Variants in ARID2 observed in about 807,000 individuals in gnomAD.
ARID2 encodes AT-rich interaction domain 2.
Under a neutral mutation model 184.6 loss-of-function variants are expected in ARID2, and 32 were observed. That is an observed-to-expected ratio of 0.17 (90% CI 0.13 to 0.23). The LOEUF (loss-of-function observed/expected upper bound fraction) is 0.23. Ranked by LOEUF, ARID2 falls within the 10% of genes least tolerant of loss-of-function variation. The pLI is 1.00. For missense variants in ARID2, 1,696 were observed against 2,197.6 expected (o/e 0.77, Z 4.56); for synonymous variants, 836 against 772.6 (o/e 1.08, Z -1.36).
chr12:45,780,901 T>A (rs1009068498), intron 3 of ARID2, among the ~76,000 whole-genome samples: 14 of 152,180 alleles, frequency 9.2e-5, no homozygotes, highest in Non-Finnish European at 2.9e-5. Context: ...ATTACAGGCG[T>A]GAGCCACTGC....
chr12:45,863,478 C>T (rs1295250264), intron 16 of ARID2, among the ~76,000 whole-genome samples: 5 of 152,162 alleles, frequency 3.3e-5, no homozygotes, highest in Admixed American at 6.5e-5. Flanking sequence ...GCCAGCTACT[C>T]GGGATGCTGA....
chr12:45,772,111 T>C (rs539692463), intron 3 of ARID2, among the ~76,000 whole-genome samples: 12 of 151,698 alleles, frequency 7.9e-5, no homozygotes, highest in Admixed American at 3.3e-4. Context: ...AGAGCAAACA[T>C]GAAGGAAAAT....
chr12:45,852,704 C>A lies in ARID2; in HGVS notation c.4581C>A (p.Val1527=), dbSNP rs373420723. The A allele has an allele frequency of 6.2e-7, 1 of 1,614,086 alleles. No homozygotes were observed. The highest frequency in any genetic ancestry group is 8.5e-7 in the Non-Finnish European group (1 of 1,179,996). Reference sequence around the variant, plus strand: ...CAGAGGATACTGATAGGGAAACAGTCGCAGGAATTCCAAATAAAGTAGGAG... The same window carrying A: ...CAGAGGATACTGATAGGGAAACAGTAGCAGGAATTCCAAATAAAGTAGGAG... ...RPAEDTDRET[V]AGIPNKVGVR... is the part of the protein sequence containing the mutation. Residue 1527 remains valine, a synonymous_variant, in exon 15 of 21, where the codon GTC becomes GTA. Transcript: ENST00000334344.
intron 3 of ARID2, among the ~76,000 whole-genome samples, chr12:45,772,289 A>G (rs985814919): frequency 2.6e-5 from 4 of 152,234 alleles, no homozygotes; most frequent in Non-Finnish European, 4.4e-5. Flanking sequence ...TGGATCAAAC[A>G]GTCAATTCAG....
At chr12:45,777,262 G>C (rs1391920292) in intron 3 of ARID2, among the ~76,000 whole-genome samples, 1 of 152,060 alleles carries the variant, frequency 6.6e-6, no homozygotes, top group Non-Finnish European at 1.5e-5. Flanking sequence ...ATATTGTATA[G>C]AGATGTTCTT....
intron 6 of ARID2, among the ~76,000 whole-genome samples, chr12:45,828,714 A>T (rs1943051167): frequency 1.3e-5 from 2 of 152,022 alleles, no homozygotes; most frequent in South Asian, 4.1e-4. Context: ...TTCTTGTTTG[A>T]TGAGAACTAG....
chr12:45,827,049 CTTA>C (rs1943015311), intron 6 of ARID2, among the ~76,000 whole-genome samples: 1 of 151,664 alleles, frequency 6.6e-6, no homozygotes, highest in African/African-American at 2.4e-5. Context: ...TCCATTTCTT[CTTA>C]TTATCAACCT....
intron 6 of ARID2, among the ~76,000 whole-genome samples, chr12:45,831,976 A>G (rs967303409): frequency 1.3e-5 from 2 of 152,122 alleles, no homozygotes; most frequent in Non-Finnish European, 2.9e-5. Flanking sequence ...GTTTTTATAC[A>G]TAGCGTTTCT....
rs924865491 is a variant in ARID2, at chr12:45,906,808, A to G, written c.*1730A>G. ...AAATGATTGATGCAGTTAAAGCTCA[A>G]TATGCCTTTTTTTACTGGATACTGT... On this transcript the variant is annotated 3_prime_UTR_variant, in exon 21 of 21. Coordinates refer to ENST00000334344, the MANE Select transcript of ARID2 (RefSeq NM_152641.4). 3 of 232,010 alleles carry G rather than the reference A, an allele frequency of 1.3e-5. No homozygotes were observed. Among genetic ancestry groups the G allele is most frequent in the Middle Eastern group, 1.3e-3 (1 of 800 alleles). 14.4% of individuals were successfully genotyped at this position (232,010 alleles called of 1,614,324 possible). A position where few individuals can be genotyped will look rare whatever the true frequency, so the allele number is the denominator to read the frequency against.
intron 3 of ARID2, among the ~76,000 whole-genome samples, chr12:45,793,758 T>C (rs1485726553): frequency 6.6e-6 from 1 of 151,916 alleles, no homozygotes; most frequent in East Asian, 1.9e-4. Context: ...TTTTTTTTCT[T>C]GGCTTTTTAT....
rs553473757 is a variant in ARID2, at chr12:45,777,165, A to G, written c.285-34253A>G. ...TAAAAATGGAAATTAGGATGATAAT[A>G]TATAAGAAGAGGTAGTATGCTGAAA... On this transcript the variant is annotated intron_variant, in intron 3 of 20. Coordinates refer to ENST00000334344, the MANE Select transcript of ARID2 (RefSeq NM_152641.4). Among the ~76,000 whole-genome samples, 22 of 152,152 alleles carry G rather than the reference A, an allele frequency of 1.4e-4. No individual in the cohort carries two copies. The South Asian group carries it at 4.4e-3, about 30-fold the overall frequency.
chr12:45,745,411 A>G (rs1288124728), intron 3 of ARID2, among the ~76,000 whole-genome samples: 1 of 152,220 alleles, frequency 6.6e-6, no homozygotes, highest in Non-Finnish European at 1.5e-5. Flanking sequence ...TAAGATTATT[A>G]CTACTGAATG....
chr12:45,837,035 A>G (rs748995076), intron 8 of ARID2, 44 bp downstream of exon 8: 1 of 1,576,798 alleles, frequency 6.3e-7, no homozygotes, highest in East Asian at 2.2e-5. Flanking sequence ...ATAGTTAGCA[A>G]CATTTATGTT....
chr12:45,732,952 C>A (rs1018745700), intron 3 of ARID2, among the ~76,000 whole-genome samples: 1 of 151,890 alleles, frequency 6.6e-6, no homozygotes, highest in Non-Finnish European at 1.5e-5. Flanking sequence ...TCATTTTTAT[C>A]TTGGGAGGAT....
At chr12:45,812,266 C>G (rs1171636675) in intron 4 of ARID2, among the ~76,000 whole-genome samples, 1 of 150,506 alleles carries the variant, frequency 6.6e-6, no homozygotes, top group Non-Finnish European at 1.5e-5. Context: ...TATAATTATT[C>G]TAAATATTTA....
intron 20 of ARID2, among the ~76,000 whole-genome samples, chr12:45,903,347 G>A (rs1944482421): frequency 6.6e-6 from 1 of 152,136 alleles, no homozygotes; most frequent in South Asian, 2.1e-4. Flanking sequence ...TATTTCTGTT[G>A]AGTGTTTTCA....
intron 3 of ARID2, among the ~76,000 whole-genome samples, chr12:45,735,160 A>G (rs1941083904): frequency 1.3e-5 from 2 of 151,186 alleles, no homozygotes; most frequent in African/African-American, 4.9e-5. Flanking sequence ...ACACCATTTG[A>G]GGGAGTTTAC....
chr12:45,735,360 CAA>C (rs1440748000), intron 3 of ARID2, among the ~76,000 whole-genome samples: 1 of 151,138 alleles, frequency 6.6e-6, no homozygotes, highest in African/African-American at 2.4e-5. Context: ...GATTGGAAGA[CAA>C]ATATATCAAT....
chr12:45,874,339 A>AT (rs1432056448), intron 16 of ARID2: 1 of 170,122 alleles, frequency 5.9e-6, no homozygotes, highest in Non-Finnish European at 1.3e-5. Flanking sequence ...CTTAAAAAAA[A>AT]AAAAAAGATT....
Sources: allele counts gnomAD v4.1 joint callset (sites outside exome capture counted in the v4.1 genomes callset), GRCh38; gene constraint gnomAD v4.1.1; transcripts MANE v1.5; gene names NCBI Gene and HGNC (gene_info 2026-07-23, HGNC 2026-07-21).